ADSS1: variants seen among roughly 807,000 people sequenced by gnomAD.
ADSS1 encodes the protein adenylosuccinate synthetase isozyme 1.
A neutral mutation model predicts 59.1 loss-of-function variants in ADSS1; 57 were observed. The observed-to-expected ratio is 0.97, with a 90% confidence interval of 0.78 to 1.20. The LOEUF is 1.20. Ranked by LOEUF, ADSS1 falls within the 50% of genes most tolerant of loss-of-function variation. The pLI, the probability that ADSS1 is intolerant of heterozygous loss-of-function variation, is 0.00. For synonymous variants in ADSS1, 247 were observed against 249.4 expected, an observed-to-expected ratio of 0.99 and a Z score of 0.09; for missense variants, 603 against 610.3, an observed-to-expected ratio of 0.99 and a Z score of 0.13.
chr14:104,725,560 G>A (rs1048701470), intron 1 of ADSS1, among the ~76,000 whole-genome samples: 2 of 152,124 alleles, frequency 1.3e-5, no homozygotes, highest in African/African-American at 4.8e-5. Context: ...TGGCTTCCTA[G>A]AAAGTTCTTC....
intron 1 of ADSS1, among the ~76,000 whole-genome samples, chr14:104,728,790 C>T (rs1890794724): frequency 6.6e-6 from 1 of 152,206 alleles, no homozygotes. Flanking sequence ...GGCCCTGGGC[C>T]AGGGCTGGGG....
chr14:104,725,633 C>G (rs1332933430), intron 1 of ADSS1, among the ~76,000 whole-genome samples: 1 of 152,168 alleles, frequency 6.6e-6, no homozygotes, highest in African/African-American at 2.4e-5. Context: ...GCACATCCCT[C>G]GCTCCAGAGA....
chr14:104,744,635 C>T (rs1254362867), intron 10 of ADSS1, 177 bp from the exon 11 acceptor site: 1 of 596,832 alleles, frequency 1.7e-6, no homozygotes, highest in Non-Finnish European at 3.0e-6. Context: ...AGCTTGCCCG[C>T]CACTCATCTG....
chr14:104,743,850 C>A (rs985222271), intron 10 of ADSS1, among the ~76,000 whole-genome samples: 2 of 152,224 alleles, frequency 1.3e-5, no homozygotes, highest in African/African-American at 4.8e-5. Flanking sequence ...GGATCCGTGA[C>A]CCTCACTTTC....
chr14:104,739,657 G>T (rs778957638), intron 4 of ADSS1, 93 bp from the exon 5 acceptor site: 1 of 1,398,692 alleles, frequency 7.1e-7, no homozygotes. Context: ...CTTCCCAGGA[G>T]ACTCAGGCCA....
At position 104,740,767 on chromosome 14, in the gene ADSS1, T is replaced by G; in HGVS notation, c.584+59T>G. On this transcript the variant is annotated intron_variant, in intron 6 of 12. Coordinates refer to ENST00000330877, the MANE Select transcript of ADSS1 (RefSeq NM_152328.5). The surrounding 1 kb of genome is among the most constrained non-coding windows in gnomAD (Gnocchi z 4.8). Reference sequence around the variant, plus strand: ...GGGGAGAAGTTGCCGGAAGGGACTGTGGCTAGTGGGGAGGGCCCTGAGGAC... The same window carrying G: ...GGGGAGAAGTTGCCGGAAGGGACTGGGGCTAGTGGGGAGGGCCCTGAGGAC... The G allele has an allele frequency of 6.2e-7, 1 of 1,612,598 alleles. No homozygotes were observed. Among genetic ancestry groups the G allele is most frequent in the South Asian group, 1.1e-5 (1 of 91,046 alleles).
chr14:104,741,782 CTT>C, intron 8 of ADSS1, 64 bp from the exon 9 acceptor site: 1 of 1,585,748 alleles, frequency 6.3e-7, no homozygotes, highest in South Asian at 1.2e-5. Context: ...GAGAAGGCCT[CTT>C]GGGCCGGGTG....
intron 9 of ADSS1, 138 bp from the exon 10 acceptor site, chr14:104,742,929 G>T (rs1225456232): frequency 1.2e-5 from 16 of 1,287,218 alleles, no homozygotes; most frequent in Non-Finnish European, 1.7e-5. Flanking sequence ...CCGGGAGCTG[G>T]ATGTAAGGAC....
chr14:104,739,190 A>G, intron 3 of ADSS1, 138 bp from the exon 4 acceptor site: 2 of 821,398 alleles, frequency 2.4e-6, no homozygotes, highest in Middle Eastern at 3.5e-4. Context: ...GCTGCGCAAC[A>G]GAGGTGGCCC....
chr14:104,726,836 G>A (rs1474859153), intron 1 of ADSS1, among the ~76,000 whole-genome samples: 3 of 152,214 alleles, frequency 2.0e-5, no homozygotes, highest in African/African-American at 4.8e-5. Context: ...GCTGCCAGGA[G>A]GGCTGAAGCT....
Position 104,740,283 on chromosome 14 carries a change from C to T in ADSS1, c.477-318C>T, listed in dbSNP as rs759402535. On this transcript the variant is annotated intron_variant, in intron 5 of 12. Transcript: ENST00000330877. This position sits in a 1 kb window ranked among gnomAD's most constrained non-coding sequence, Gnocchi z 4.8. ...CACTCATGCTCTTACATACACACCA[C>T]ACGCCCACGCATGCTCGCACAGTTA... is the stretch of plus-strand genomic sequence containing the variant. 2.6e-5 allele frequency among the ~76,000 whole-genome samples: 4 copies of T among 152,054 alleles called. No individual in the cohort carries two copies. Among genetic ancestry groups the T allele is most frequent in the Non-Finnish European group, 5.9e-5 (4 of 68,004 alleles).
chr14:104,733,790 C>T (rs956284119), intron 1 of ADSS1, among the ~76,000 whole-genome samples: 6 of 152,172 alleles, frequency 3.9e-5, no homozygotes, highest in Admixed American at 3.3e-4. Context: ...GAGACCAGAC[C>T]AGTCTGTGGG....
chr14:104,727,135 G>A (rs537529455), intron 1 of ADSS1, among the ~76,000 whole-genome samples: 3 of 152,274 alleles, frequency 2.0e-5, no homozygotes, highest in African/African-American at 7.2e-5. Context: ...CCAAAGCCCC[G>A]CACGGCTCGC....
intron 1 of ADSS1, among the ~76,000 whole-genome samples, chr14:104,732,483 A>G (rs1298064032): frequency 6.6e-6 from 1 of 152,196 alleles, no homozygotes; most frequent in Non-Finnish European, 1.5e-5. Flanking sequence ...CCCCAGGCTC[A>G]GCGTCCTGAG....
intron 10 of ADSS1, among the ~76,000 whole-genome samples, chr14:104,743,941 T>C (rs1233743060): frequency 6.6e-6 from 1 of 152,202 alleles, no homozygotes; most frequent in African/African-American, 2.4e-5. Flanking sequence ...TCAGCAGTGC[T>C]CAGCAGACCC....
At chr14:104,739,088 A>G (rs545590417) in intron 3 of ADSS1, among the ~76,000 whole-genome samples, 1 of 152,270 alleles carries the variant, frequency 6.6e-6, no homozygotes, top group Admixed American at 6.5e-5. Context: ...CGAAGCCTGC[A>G]GGCACGAGAG....
intron 2 of ADSS1, among the ~76,000 whole-genome samples, chr14:104,735,758 C>T (rs1217109687): frequency 6.6e-6 from 1 of 152,216 alleles, no homozygotes; most frequent in African/African-American, 2.4e-5. Context: ...AGGCGAGCCA[C>T]CTCTGTCCCC....
In ADSS1 at chr14:104,744,794, C is replaced by G. The variant is rs777576442; in HGVS notation, c.1074-18C>G. 3.7e-6 allele frequency: 6 copies of G among 1,613,332 alleles called. No individual in the cohort carries two copies. The South Asian group carries it at 5.5e-5, about 15-fold the overall frequency. Reference sequence around the variant, plus strand: ...CTGACCACTTCTTGGGTTTGCCCGGCCCCTTGGCTTTCCACAGGCTGGCCC... The same window carrying G: ...CTGACCACTTCTTGGGTTTGCCCGGGCCCTTGGCTTTCCACAGGCTGGCCC... On this transcript the variant is annotated intron_variant, in intron 10 of 12. Coordinates refer to ENST00000330877, the MANE Select transcript of ADSS1 (RefSeq NM_152328.5).
chr14:104,733,751 G>A (rs761025209), intron 1 of ADSS1, among the ~76,000 whole-genome samples: 1 of 152,204 alleles, frequency 6.6e-6, no homozygotes, highest in Non-Finnish European at 1.5e-5. Flanking sequence ...TGGGGACAGA[G>A]TGGGCCCCAA....
Sources: gnomAD v4.1 joint callset for allele counts (sites outside exome capture counted in the v4.1 genomes callset) on GRCh38, gnomAD v4.1.1 for gene constraint, Gnocchi (gnomAD v3.1) non-coding constraint, MANE v1.5 for transcripts, NCBI Gene and HGNC (gene_info 2026-07-23, HGNC 2026-07-21) for gene names.